ZZEF1: variants seen among roughly 807,000 people sequenced by gnomAD.
The protein encoded by ZZEF1 is zinc finger ZZ-type and EF-hand domain-containing protein 1.
Under a neutral mutation model 342.8 loss-of-function variants are expected in ZZEF1, and 157 were observed. The observed-to-expected ratio is 0.46, with a 90% CI of 0.40 to 0.52. The LOEUF is 0.52. ZZEF1 is among the 20% of genes least tolerant of loss of function. The pLI is 0.00. For synonymous variants in ZZEF1, 1,505 were observed against 1,429.1 expected (o/e 1.05, Z -1.20); for missense variants, 3,480 against 3,725.6 (o/e 0.93, Z 1.72).
intron 1 of ZZEF1, among the ~76,000 whole-genome samples, chr17:4,141,423 T>G (rs1004968219): frequency 3.9e-5 from 6 of 152,204 alleles, no homozygotes; most frequent in African/African-American, 1.4e-4. Flanking sequence ...CCACTGAAGA[T>G]TCTACATGAC....
chr17:4,015,955 A>T (rs2056089087), intron 49 of ZZEF1, among the ~76,000 whole-genome samples: 1 of 152,172 alleles, frequency 6.6e-6, no homozygotes. Flanking sequence ...GCAGGTCATG[A>T]GGTGGCAGCT....
rs116739236 is a variant in ZZEF1, at chr17:4,050,718, G to T, written c.5863+63C>A. The T allele has an allele frequency of 2.0e-3, 3,275 of 1,603,580 alleles. 54 individuals are homozygous for T. In the African/African-American group the frequency reaches 0.039, roughly 19 times the overall value. On this transcript the variant is annotated intron_variant, in intron 36 of 54. Coordinates refer to ENST00000381638, the MANE Select transcript of ZZEF1 (RefSeq NM_015113.4). The stretch of plus-strand genomic sequence containing the variant: ...AAACTAAGCTTAGTATTTTACATTT[G>T]CCAAGGCTTTTTTTCACCAGCAACT...
intron 27 of ZZEF1, 81 bp downstream of exon 27, chr17:4,067,077 TGAGAA>T (rs2057414946): frequency 5.2e-6 from 6 of 1,148,340 alleles, no homozygotes; most frequent in South Asian, 1.4e-5. Flanking sequence ...GCTATATTCT[TGAGAA>T]GAGAACAATT....
In ZZEF1 at chr17:4,014,075, G is replaced by C; in HGVS notation, c.8413+15C>G. On this transcript the variant is annotated intron_variant, in intron 51 of 54. Coordinates refer to ENST00000381638, the MANE Select transcript of ZZEF1 (RefSeq NM_015113.4). The surrounding 1 kb of genome is among the most constrained non-coding windows in gnomAD (Gnocchi z 4.4). Reference sequence around the variant, plus strand: ...GGCAGGCAGATGGTGTGAACGCAAAGCCCAGAGCACACACCTGTCTGGAAC... The same window carrying C: ...GGCAGGCAGATGGTGTGAACGCAAACCCCAGAGCACACACCTGTCTGGAAC... 6.2e-7 allele frequency: 1 copy of C among 1,612,758 alleles called. No homozygotes were observed. The highest frequency in any genetic ancestry group is 1.7e-5 in the Admixed American group (1 of 60,006).
Position 4,088,575 on chromosome 17 carries a change from T to C in ZZEF1, c.2241+103A>G, listed in dbSNP as rs562927769. ...TGCAGCAGTACAATGCCCATCCTAT[T>C]GGCTTCCGCAGGGGCAGGTTTTATC... On this transcript the variant is annotated intron_variant, in intron 13 of 54. Coordinates refer to ENST00000381638, the MANE Select transcript of ZZEF1 (RefSeq NM_015113.4). 4.7e-3 allele frequency: 5,873 copies of C among 1,241,338 alleles called. 66 individuals are homozygous for C. The highest frequency in any genetic ancestry group is 0.024 in the South Asian group (1,724 of 71,214). 76.9% of individuals were successfully genotyped at this position (1,241,338 alleles called of 1,614,324 possible).
chr17:4,027,673 C>T (rs1387033301), intron 42 of ZZEF1, among the ~76,000 whole-genome samples: 1 of 149,214 alleles, frequency 6.7e-6, no homozygotes, highest in Admixed American at 6.8e-5. Flanking sequence ...GATCATAGCT[C>T]ACTGCAGCCT....
intron 43 of ZZEF1, among the ~76,000 whole-genome samples, chr17:4,024,214 T>A (rs12940138): frequency 6.8e-6 from 1 of 147,576 alleles, no homozygotes; most frequent in Non-Finnish European, 1.5e-5. Context: ...TTTTTTTTTT[T>A]ACAGAGGGAG....
chr17:4,134,234 G>A (rs1002960915), intron 1 of ZZEF1, among the ~76,000 whole-genome samples: 22 of 151,014 alleles, frequency 1.5e-4, no homozygotes, highest in Admixed American at 5.3e-4. Context: ...TGGGAGGACC[G>A]CTTGAACCTA....
At chr17:4,079,306 T>TAACA (rs2057679754) in intron 18 of ZZEF1, among the ~76,000 whole-genome samples, 1 of 152,062 alleles carries the variant, frequency 6.6e-6, no homozygotes. Flanking sequence ...ACTGATGATG[T>TAACA]AACAACAGAA....
At chr17:4,013,076 G>A in intron 52 of ZZEF1, among the ~76,000 whole-genome samples, 1 of 137,310 alleles carries the variant, frequency 7.3e-6, no homozygotes, top group African/African-American at 2.8e-5. Flanking sequence ...GTGACAGAGT[G>A]AGACTCTGTC....
rs34252779 is a variant in ZZEF1 at position 4,132,201 on chromosome 17, C to CT, written c.355-8151dup. ...ATAAAAATAAAAGCCTAAATTTTCT[C>CT]TTTTTTTTTTTTTTTTTGAGACACC... On this transcript the variant is annotated intron_variant, in intron 1 of 54. Coordinates refer to ENST00000381638, the MANE Select transcript of ZZEF1 (RefSeq NM_015113.4). 4.6e-3 allele frequency among the ~76,000 whole-genome samples: 616 copies of CT among 134,986 alleles called. 5 individuals are homozygous for CT. Among genetic ancestry groups the CT allele is most frequent in the Middle Eastern group, 7.8e-3 (2 of 256 alleles). 88.6% of individuals were successfully genotyped at this position (134,986 alleles called of 152,430 possible). A position where few individuals can be genotyped will look rare whatever the true frequency, so the allele number is the denominator to read the frequency against.
chr17:4,039,921 G>A (rs780860456), intron 39 of ZZEF1, among the ~76,000 whole-genome samples: 1 of 152,106 alleles, frequency 6.6e-6, no homozygotes, highest in African/African-American at 2.4e-5. Flanking sequence ...TGGGATTACA[G>A]GCGTGAGCCA....
At chr17:4,056,961 T>C (rs1417120167) in intron 32 of ZZEF1, 1 of 152,218 alleles carries the variant, frequency 6.6e-6, no homozygotes, top group Non-Finnish European at 1.5e-5. Flanking sequence ...TAATTTCAGT[T>C]TACAGCTCGT....
chr17:4,011,104 GA>G lies in ZZEF1; in HGVS notation c.8580-1348del, dbSNP rs1020716095. 5.9e-3 allele frequency among the ~76,000 whole-genome samples: 820 copies of G among 139,394 alleles called. 6 individuals carry two copies. The highest frequency in any genetic ancestry group is 0.019 in the African/African-American group (716 of 38,086). The allele number at this position is 139,394 out of a possible 152,430, so 91.4% of individuals were successfully genotyped here. On this transcript the variant is annotated intron_variant, in intron 52 of 54. Transcript: ENST00000381638. ...GACCCCACCTCTAAAAAAAATTAAA[GA>G]AAAAAAAAAAAGATGGCCAGGAGCG...
intron 52 of ZZEF1, among the ~76,000 whole-genome samples, chr17:4,010,525 A>C (rs1567756666): frequency 6.6e-6 from 1 of 151,850 alleles, no homozygotes. Flanking sequence ...TGGCCAGGAG[A>C]CCAGCCTGGC....
intron 25 of ZZEF1, 89 bp downstream of exon 25, chr17:4,072,519 G>A: frequency 1.4e-6 from 2 of 1,432,530 alleles, no homozygotes; most frequent in South Asian, 1.5e-5. Flanking sequence ...CGGGTAGTAA[G>A]ATAGAAACAC....
At chr17:4,032,015 T>TAAA (rs1555581005) in intron 42 of ZZEF1, 111 bp downstream of exon 42, 6 of 1,228,768 alleles carry the variant, frequency 4.9e-6, no homozygotes, top group Non-Finnish European at 6.7e-6. Context: ...AACTTGTTCT[T>TAAA]TAAAAAAATC....
intron 43 of ZZEF1, among the ~76,000 whole-genome samples, chr17:4,024,478 T>G (rs1158057811): frequency 6.6e-6 from 1 of 152,162 alleles, no homozygotes; most frequent in Non-Finnish European, 1.5e-5. Context: ...GGATTACTGC[T>G]GTGAGCCACT....
In ZZEF1 at chr17:4,006,667, A is replaced by G. The variant is rs1481525398; in HGVS notation, c.*223T>C. 1.3e-5 allele frequency: 8 copies of G among 604,194 alleles called. No homozygotes were observed. The highest frequency in any genetic ancestry group is 2.4e-5 in the Non-Finnish European group (8 of 335,398). The allele number at this position is 604,194 out of a possible 1,614,324, so 37.4% of individuals were successfully genotyped here. A position where few individuals can be genotyped will look rare whatever the true frequency, so the allele number is the denominator to read the frequency against. ...GCCCCCTGCCCACCCTTTCTGAGGC[A>G]TTCTGCACTGCTTGGCTTATTTTCA... is the stretch of plus-strand genomic sequence containing the variant. On this transcript the variant is annotated 3_prime_UTR_variant, in exon 55 of 55. Transcript: ENST00000381638.
Sources: gnomAD v4.1 joint callset for allele counts (sites outside exome capture counted in the v4.1 genomes callset) on GRCh38, gnomAD v4.1.1 for gene constraint, Gnocchi (gnomAD v3.1) non-coding constraint, MANE v1.5 for transcripts, NCBI Gene and HGNC (gene_info 2026-07-23, HGNC 2026-07-21) for gene names.